The following MED15 variants were observed in gnomAD, a reference collection of about 807,000 sequenced individuals.
MED15 encodes the protein mediator complex subunit 15, also known as mediator of RNA polymerase II transcription subunit 15.
MED15 carries 41 observed loss-of-function variants against 118.7 expected under a neutral mutation model. The observed-to-expected ratio is 0.35, with a 90% CI of 0.27 to 0.45. The LOEUF (loss-of-function observed/expected upper bound fraction) is 0.45, where lower values mean the gene tolerates loss of function less well. Among genes scored for constraint, MED15 ranks in the 20% least tolerant of loss-of-function variants. The probability of loss-of-function intolerance (pLI) is 1.00; values close to 1 mark genes in which losing one functional copy is unlikely to be tolerated. For missense variants in MED15, 740 were observed against 1,025.5 expected (o/e 0.72, Z 3.80); for synonymous variants, 436 against 413.9 (o/e 1.05, Z -0.65).
chr22:20,530,304 T>C (rs2054807060), intron 1 of MED15, among the ~76,000 whole-genome samples: 1 of 152,170 alleles, frequency 6.6e-6, no homozygotes, highest in Non-Finnish European at 1.5e-5. Flanking sequence ...TTCTGCCCTA[T>C]GAGAGTTCAC....
Position 20,510,810 on chromosome 22 carries a change from T to C in MED15, c.68+3064T>C, listed in dbSNP as rs141147670. ...CACACAGAGAAGCCAGGATAATCTC[T>C]TTATTTTAAAGTTTGTAATTTTAAT... On this transcript the variant is annotated intron_variant, in intron 1 of 17. Transcript: ENST00000263205. Among the ~76,000 whole-genome samples, 332 of 152,346 alleles carry C rather than the reference T, an allele frequency of 2.2e-3. 1 individual carries two copies. The highest frequency in any genetic ancestry group is 7.4e-3 in the African/African-American group (308 of 41,574).
intron 8 of MED15, among the ~76,000 whole-genome samples, chr22:20,570,041 T>C (rs539745725): frequency 1.8e-3 from 278 of 152,316 alleles, no homozygotes; most frequent in Non-Finnish European, 3.2e-3. Context: ...TTTTTTATTT[T>C]TTGAGATGGA....
intron 1 of MED15, chr22:20,508,292 A>C: frequency 7.7e-7 from 1 of 1,302,558 alleles, no homozygotes; most frequent in Non-Finnish European, 1.0e-6. Context: ...AGCCGCTGTC[A>C]GGAAGCGATC....
chr22:20,536,359 G>T (rs2055081374), intron 1 of MED15, among the ~76,000 whole-genome samples: 1 of 151,336 alleles, frequency 6.6e-6, no homozygotes, highest in Admixed American at 6.6e-5. Flanking sequence ...AGGTGGGGGT[G>T]GGGGTGGGTG....
At chr22:20,576,009 G>T (rs2056814150) in intron 9 of MED15, among the ~76,000 whole-genome samples, 1 of 152,140 alleles carries the variant, frequency 6.6e-6, no homozygotes, top group African/African-American at 2.4e-5. Context: ...GGTAGAGGTA[G>T]ACTTCTGTGT....
At position 20,557,554 on chromosome 22, in the gene MED15, T is replaced by G. The variant is rs1009846439; in HGVS notation, c.451+2406T>G. 1.2e-4 allele frequency among the ~76,000 whole-genome samples: 19 copies of G among 152,268 alleles called. No individual in the cohort carries two copies. The East Asian group carries it at 3.7e-3, about 29-fold the overall frequency. On this transcript the variant is annotated intron_variant, in intron 5 of 17. Coordinates refer to ENST00000263205, the MANE Select transcript of MED15 (RefSeq NM_001003891.3). ...GCTCAAGTTCCTTGTCACGTTCTACTCTTGTGTACTTGGTGCATTTTTTTT... is the reference window on the plus strand; with the variant it reads ...GCTCAAGTTCCTTGTCACGTTCTACGCTTGTGTACTTGGTGCATTTTTTTT...
At chr22:20,531,510 G>A (rs1184980144) in intron 1 of MED15, among the ~76,000 whole-genome samples, 3 of 152,184 alleles carry the variant, frequency 2.0e-5, no homozygotes, top group Non-Finnish European at 2.9e-5. Context: ...CTCCTCCCCT[G>A]TCTGCTTCCT....
intron 1 of MED15, among the ~76,000 whole-genome samples, chr22:20,526,898 C>T (rs2054665185): frequency 6.6e-6 from 1 of 152,182 alleles, no homozygotes; most frequent in Non-Finnish European, 1.5e-5. Context: ...GTGTCTCATC[C>T]TTTGTGATTT....
rs2055854504 is a variant in MED15, at chr22:20,553,163, C to T, written c.227C>T (p.Ala76Val). 4.3e-6 allele frequency: 7 copies of T among 1,611,704 alleles called. No homozygotes were observed. The East Asian group carries it at 1.6e-4, about 36-fold the overall frequency. Residue 76 changes from alanine (A) to valine (V), a missense_variant, in exon 4 of 18, where the codon GCT becomes GTT. By Grantham distance (64) the Ala-to-Val change is moderately conservative. Coordinates refer to ENST00000263205, the MANE Select transcript of MED15 (RefSeq NM_001003891.3). ...FRDIHNKKSQ[A>V]SVSDPMNALQ... ...CATATAGATAACAAGAAATCTCAAGCTTCCGTCAGTGGTAAGAGTTTTCCC... is the reference window on the plus strand; with the variant it reads ...CATATAGATAACAAGAAATCTCAAGTTTCCGTCAGTGGTAAGAGTTTTCCC...
chr22:20,507,705 C>T lies in MED15; in HGVS notation c.27C>T (p.Asp9=). 6.2e-7 allele frequency: 1 copy of T among 1,614,068 alleles called. No homozygotes were observed. Among genetic ancestry groups the T allele is most frequent in the South Asian group, 1.1e-5 (1 of 91,090 alleles). ...TGGACGTTTCCGGGCAAGAGACCGA[C>T]TGGCGGAGCACCGCCTTCCGGCAGA... MDVSGQET[D]WRSTAFRQKL... Residue 9 remains aspartate, a synonymous_variant, in exon 1 of 18, where the codon GAC becomes GAT. Coordinates refer to ENST00000263205, the MANE Select transcript of MED15 (RefSeq NM_001003891.3).
chr22:20,552,057 TGCA>T (rs1166307885), intron 3 of MED15, among the ~76,000 whole-genome samples: 3 of 152,182 alleles, frequency 2.0e-5, no homozygotes, highest in African/African-American at 7.2e-5. Flanking sequence ...GAGTTGTCAT[TGCA>T]TCCTAGGGCC....
intron 1 of MED15, among the ~76,000 whole-genome samples, chr22:20,518,221 G>T (rs1281054783): frequency 2.0e-5 from 3 of 150,960 alleles, no homozygotes; most frequent in African/African-American, 4.9e-5. Flanking sequence ...ATGGAGTCTC[G>T]CCCTGTCGCC....
chr22:20,543,645 C>T (rs925725402), intron 2 of MED15, among the ~76,000 whole-genome samples: 3 of 151,592 alleles, frequency 2.0e-5, no homozygotes, highest in Non-Finnish European at 4.4e-5. Flanking sequence ...GCAACCCCCA[C>T]CTCCCAGGTT....
rs986423973 is a variant in MED15, at chr22:20,507,646, C to T, written c.-33C>T. 22 of 1,613,378 alleles carry T rather than the reference C, an allele frequency of 1.4e-5. No individual in the cohort carries two copies. Among genetic ancestry groups the T allele is most frequent in the Non-Finnish European group, 1.4e-5 (16 of 1,179,530 alleles). ...TGAGGCGGCGGCGGTGGCGGCCAAG[C>T]GGGATACGGGCGGCGGGAGCTGGGG... On this transcript the variant is annotated 5_prime_UTR_variant, in exon 1 of 18. Transcript: ENST00000263205.
At chr22:20,529,041 A>G (rs2054758917) in intron 1 of MED15, among the ~76,000 whole-genome samples, 1 of 151,896 alleles carries the variant, frequency 6.6e-6, no homozygotes, top group Non-Finnish European at 1.5e-5. Context: ...CCCCCTCCTC[A>G]CTGTTACTTA....
In MED15 at chr22:20,583,349, T is replaced by G; in HGVS notation, c.1692T>G (p.Ser564Arg). 6.2e-7 allele frequency: 1 copy of G among 1,612,720 alleles called. No individual in the cohort carries two copies. The highest frequency in any genetic ancestry group is 8.5e-7 in the Non-Finnish European group (1 of 1,180,006). ...TCCCAGACAGAAAAAAGGACCTGAG[T>G]AAGATGAAGAGCCTTCTGGACATTC... is the stretch of plus-strand genomic sequence containing the variant. ...DKNEDRKKDLSKMKSLLDILT... is the reference protein window; with the variant it reads ...DKNEDRKKDLRKMKSLLDILT... Residue 564 changes from serine (S) to arginine (R), a missense_variant, in exon 13 of 18, where the codon AGT (serine) becomes AGG (arginine). This residue lies in a region of MED15 where 384 missense variants were observed against 506.3 expected (regional missense o/e 0.76). Coordinates refer to ENST00000263205, the MANE Select transcript of MED15 (RefSeq NM_001003891.3).
chr22:20,525,410 G>A (rs1318289260), intron 1 of MED15, among the ~76,000 whole-genome samples: 1 of 151,558 alleles, frequency 6.6e-6, no homozygotes, highest in East Asian at 1.9e-4. Context: ...ATGGGGTTTC[G>A]CCATGTTGGC....
At chr22:20,540,626 A>G (rs961133209) in intron 2 of MED15, among the ~76,000 whole-genome samples, 19 of 152,144 alleles carry the variant, frequency 1.2e-4, no homozygotes, top group African/African-American at 3.6e-4. Flanking sequence ...CTAAATTTAC[A>G]AGCTAAAACT....
intron 1 of MED15, among the ~76,000 whole-genome samples, chr22:20,513,498 T>C (rs1235361894): frequency 1.3e-5 from 2 of 151,866 alleles, no homozygotes; most frequent in East Asian, 1.9e-4. Context: ...AGGCTGGTCT[T>C]GAACTCCCAA....
Sources: gnomAD v4.1 joint callset for allele counts (sites outside exome capture counted in the v4.1 genomes callset) on GRCh38, gnomAD v4.1.1 for gene constraint, gnomAD v4.1.1 regional missense constraint, MANE v1.5 for transcripts, NCBI Gene and HGNC (gene_info 2026-07-23, HGNC 2026-07-21) for gene names.